LUZP2: variants seen among roughly 807,000 people sequenced by gnomAD.
LUZP2 encodes leucine zipper protein 2.
In LUZP2, 52 loss-of-function variants were observed where a neutral mutation model predicts 51.6. The ratio of observed to expected loss-of-function variants is 1.01; its 90% CI spans 0.81 to 1.27. The LOEUF is 1.27. LUZP2 is among the 50% of genes most tolerant of loss of function. The probability of loss-of-function intolerance (pLI) is 0.00; values close to 1 mark genes in which losing one functional copy is unlikely to be tolerated. For missense variants in LUZP2, 436 were observed against 395.4 expected (o/e 1.10, Z -0.87); for synonymous variants, 154 against 137.3 (o/e 1.12, Z -0.85).
intron 1 of LUZP2, among the ~76,000 whole-genome samples, chr11:24,602,117 TG>T (rs1334829535): frequency 8.7e-6 from 1 of 114,668 alleles, no homozygotes. Context: ...TGTGTATATA[TG>T]TATATATGTA....
intron 5 of LUZP2, among the ~76,000 whole-genome samples, chr11:24,794,899 A>G (rs569212370): frequency 1.3e-5 from 2 of 152,264 alleles, no homozygotes; most frequent in East Asian, 1.9e-4. Flanking sequence ...TTTAAGAATT[A>G]TAGGATTTCA....
chr11:24,806,319 G>A (rs1184815370), intron 5 of LUZP2, among the ~76,000 whole-genome samples: 6 of 152,106 alleles, frequency 3.9e-5, no homozygotes, highest in Non-Finnish European at 8.8e-5. Context: ...TTGAAATTGG[G>A]CATTGTAGTA....
intron 9 of LUZP2, among the ~76,000 whole-genome samples, chr11:25,016,053 T>C (rs1181654874): frequency 6.6e-6 from 1 of 151,916 alleles, no homozygotes; most frequent in Non-Finnish European, 1.5e-5. Context: ...CCTGAGTAGC[T>C]GGGACTACAG....
At chr11:25,070,785 G>A (rs1041679770) in intron 10 of LUZP2, among the ~76,000 whole-genome samples, 1 of 147,428 alleles carries the variant, frequency 6.8e-6, no homozygotes, top group South Asian at 2.1e-4. Flanking sequence ...GTGTGTGTGT[G>A]TGTGTGTGTG....
intron 5 of LUZP2, among the ~76,000 whole-genome samples, chr11:24,874,951 A>T (rs1401378586): frequency 1.3e-5 from 2 of 152,040 alleles, no homozygotes; most frequent in Admixed American, 1.3e-4. Context: ...GTCTGAGCAA[A>T]TTATCATCCA....
chr11:24,622,784 A>C (rs994727001), intron 1 of LUZP2, among the ~76,000 whole-genome samples: 3 of 152,116 alleles, frequency 2.0e-5, no homozygotes, highest in African/African-American at 7.2e-5. Context: ...AAATATAAAT[A>C]GTTTACTTGA....
intron 1 of LUZP2, among the ~76,000 whole-genome samples, chr11:24,566,640 AC>A (rs1852234233): frequency 1.4e-5 from 2 of 147,522 alleles, no homozygotes; most frequent in African/African-American, 2.5e-5. Flanking sequence ...ACACACACAC[AC>A]ACACAAAAAT....
At chr11:24,775,671 A>G (rs941489108) in intron 5 of LUZP2, among the ~76,000 whole-genome samples, 1 of 152,116 alleles carries the variant, frequency 6.6e-6, no homozygotes, top group African/African-American at 2.4e-5. Flanking sequence ...GTTGGCTAGG[A>G]TAACACCATT....
rs377068230 is a variant in LUZP2 at position 25,066,630 on chromosome 11, T to C, written c.859-10699T>C. Among the ~76,000 whole-genome samples the C allele has an allele frequency of 2.6e-5, 4 of 152,056 alleles. No homozygotes were observed. In the South Asian group the frequency reaches 6.2e-4, roughly 24 times the overall value. On this transcript the variant is annotated intron_variant, in intron 10 of 11. Coordinates refer to ENST00000336930, the MANE Select transcript of LUZP2 (RefSeq NM_001009909.4). ...CACATATTTGTGTGGGGGAGATATT[T>C]TTTCTTGTTTTGTTTAGATTGATTT...
rs950422037 is a variant in LUZP2 at position 24,967,696 on chromosome 11, G to T, written c.523-8895G>T. 1.4e-4 allele frequency among the ~76,000 whole-genome samples: 21 copies of T among 151,060 alleles called. No homozygotes were observed. In the East Asian group the frequency reaches 4.1e-3, roughly 29 times the overall value. The stretch of plus-strand genomic sequence containing the variant: ...GCATCCAATTTCATTTTTCTTTTTA[G>T]AATTTTCATTTGCTTTTAAAAATAA... On this transcript the variant is annotated intron_variant, in intron 7 of 11. Transcript: ENST00000336930.
chr11:24,823,138 G>C (rs1228163377), intron 5 of LUZP2, among the ~76,000 whole-genome samples: 2 of 152,158 alleles, frequency 1.3e-5, no homozygotes, highest in African/African-American at 4.8e-5. Flanking sequence ...AGCTAATACG[G>C]TAAGGTTATG....
At chr11:24,817,335 A>G (rs1850217846) in intron 5 of LUZP2, among the ~76,000 whole-genome samples, 1 of 152,102 alleles carries the variant, frequency 6.6e-6, no homozygotes, top group Non-Finnish European at 1.5e-5. Flanking sequence ...TCCAATTTGT[A>G]TAATACTCTT....
intron 4 of LUZP2, among the ~76,000 whole-genome samples, chr11:24,761,634 C>T (rs1382967259): frequency 2.6e-5 from 4 of 152,134 alleles, no homozygotes; most frequent in Non-Finnish European, 4.4e-5. Flanking sequence ...AAAAATCTAT[C>T]TCATTTAAAC....
chr11:25,046,831 G>A (rs565792595), intron 9 of LUZP2, among the ~76,000 whole-genome samples: 6 of 151,806 alleles, frequency 4.0e-5, no homozygotes, highest in Non-Finnish European at 8.8e-5. Context: ...ACCATATATA[G>A]CATCATTTCA....
Position 24,673,445 on chromosome 11 carries a change from A to G in LUZP2, c.63-55724A>G, listed in dbSNP as rs569736627. 7.2e-5 allele frequency among the ~76,000 whole-genome samples: 11 copies of G among 152,244 alleles called. No homozygotes were observed. In the East Asian group the frequency reaches 1.5e-3, roughly 21 times the overall value. On this transcript the variant is annotated intron_variant, in intron 1 of 11. Transcript: ENST00000336930. The stretch of plus-strand genomic sequence containing the variant: ...ACATCTGGTTCTAGAAGGGCCCTAG[A>G]TGGTCCTTGCAGGGTGCAGGGGTGG...
At chr11:25,015,550 T>C (rs964509500) in intron 9 of LUZP2, among the ~76,000 whole-genome samples, 2 of 152,104 alleles carry the variant, frequency 1.3e-5, no homozygotes, top group Non-Finnish European at 2.9e-5. Context: ...GCCTGATACA[T>C]TTGAGGGGTA....
At chr11:24,808,231 T>C (rs1590566350) in intron 5 of LUZP2, among the ~76,000 whole-genome samples, 1 of 152,198 alleles carries the variant, frequency 6.6e-6, no homozygotes, top group East Asian at 1.9e-4. Context: ...ATCATGTCCT[T>C]AAGCCCAATG....
chr11:24,803,058 T>A (rs893007442), intron 5 of LUZP2, among the ~76,000 whole-genome samples: 1 of 151,972 alleles, frequency 6.6e-6, no homozygotes, highest in African/African-American at 2.4e-5. Context: ...ACATCTCATA[T>A]AAGACAATAT....
chr11:24,500,323 A>T (rs571774085), intron 1 of LUZP2, among the ~76,000 whole-genome samples: 1 of 152,290 alleles, frequency 6.6e-6, no homozygotes, highest in South Asian at 2.1e-4. Context: ...TTACCAAAAA[A>T]AATCAAGTTA....
Sources: gnomAD v4.1 joint callset for allele counts (sites outside exome capture counted in the v4.1 genomes callset) on GRCh38, gnomAD v4.1.1 for gene constraint, MANE v1.5 for transcripts, NCBI Gene and HGNC (gene_info 2026-07-23, HGNC 2026-07-21) for gene names.